LRP1B: variants seen among roughly 807,000 people sequenced by gnomAD.
The protein encoded by LRP1B is low-density lipoprotein receptor-related protein 1B.
LRP1B carries 217 observed loss-of-function variants against 556.6 expected under a neutral mutation model. That is an observed-to-expected ratio of 0.39 (90% CI 0.35 to 0.44). LRP1B has a LOEUF of 0.44. Ranked by LOEUF, LRP1B falls within the 20% of genes least tolerant of loss-of-function variation. LRP1B has a pLI of 1.00. For synonymous variants in LRP1B, 2,047 were observed against 1,865.8 expected, an observed-to-expected ratio of 1.10 and a Z score of -2.50; for missense variants, 5,053 against 5,620.8, an observed-to-expected ratio of 0.90 and a Z score of 3.23.
At chr2:142,012,289 G>A (rs73963413) in intron 1 of LRP1B, among the ~76,000 whole-genome samples, 2,454 of 152,144 alleles carry the variant, frequency 0.016, 69 homozygotes, top group African/African-American at 0.057. Context: ...CACATATCCA[G>A]ATGTCTGACT....
At chr2:141,638,352 G>T (rs1009291002) in intron 2 of LRP1B, among the ~76,000 whole-genome samples, 24 of 151,978 alleles carry the variant, frequency 1.6e-4, no homozygotes, top group African/African-American at 4.3e-4. Flanking sequence ...TGTATAGCCC[G>T]CAGAACTGTG....
intron 72 of LRP1B, among the ~76,000 whole-genome samples, chr2:140,361,341 C>CATATATATATATATATATATATATATAT (rs67208978): frequency 3.3e-5 from 1 of 30,714 alleles, no homozygotes; most frequent in Non-Finnish European, 6.5e-5. Flanking sequence ...ACTTGGAAAG[C>CATATATATATATATATATATATATATAT]ATATATATAT....
Position 140,394,993 on chromosome 2 carries a change from A to G in LRP1B, c.10415-8984T>C, listed in dbSNP as rs535835955. Among the ~76,000 whole-genome samples the G allele has an allele frequency of 4.6e-5, 7 of 152,352 alleles. No individual in the cohort carries two copies. The South Asian group carries it at 1.2e-3, about 27-fold the overall frequency. On this transcript the variant is annotated intron_variant, in intron 66 of 90. Coordinates refer to ENST00000389484, the MANE Select transcript of LRP1B (RefSeq NM_018557.3). ...AATGACTATACGTGAATACTTGGAT[A>G]CAAATTCTGCCCCACATCTACTCTA... is the stretch of plus-strand genomic sequence containing the variant.
rs1692989729 is a variant in LRP1B, at chr2:140,867,595, G to A, written c.4574C>T (p.Pro1525Leu). The A allele has an allele frequency of 6.2e-7, 1 of 1,612,184 alleles. No individual in the cohort carries two copies. Among genetic ancestry groups the A allele is most frequent in the Non-Finnish European group, 8.5e-7 (1 of 1,178,852 alleles). ...ATAAGTGAACAAGCACTTACCCTGT[G>A]GCTGGCGACTGGGATGGTATATCTG... ...DLQIYHPSRQ[P>L]QAPNPCAAND... Residue 1525 changes from proline (P) to leucine (L), a missense_variant, in exon 27 of 91, where the codon CCA (proline) becomes CTA (leucine). Around this residue, in one of 5 missense-constraint regions of LRP1B, gnomAD observed 3,619 missense variants for 3,931.9 expected, o/e 0.92. Coordinates refer to ENST00000389484, the MANE Select transcript of LRP1B (RefSeq NM_018557.3).
At chr2:140,744,236 T>C (rs572933907) in intron 35 of LRP1B, among the ~76,000 whole-genome samples, 2 of 152,094 alleles carry the variant, frequency 1.3e-5, no homozygotes. Flanking sequence ...GATATACATA[T>C]ACCATTGCAT....
chr2:141,188,677 A>C (rs1261352471), intron 6 of LRP1B, 94 bp from the exon 7 acceptor site: 1 of 1,081,546 alleles, frequency 9.2e-7, no homozygotes, highest in Non-Finnish European at 1.3e-6. Flanking sequence ...ATCATAGAGG[A>C]CATTTCAAAA....
intron 3 of LRP1B, among the ~76,000 whole-genome samples, chr2:141,276,279 G>T (rs976324917): frequency 1.3e-5 from 2 of 149,294 alleles, no homozygotes; most frequent in East Asian, 3.9e-4. Flanking sequence ...TTATTCTTTG[G>T]CTTGATAATT....
chr2:141,809,142 C>A (rs958584592), intron 2 of LRP1B, among the ~76,000 whole-genome samples: 2 of 152,004 alleles, frequency 1.3e-5, no homozygotes, highest in African/African-American at 4.8e-5. Flanking sequence ...ATAAACTCTT[C>A]CTGTGGAAAA....
intron 6 of LRP1B, among the ~76,000 whole-genome samples, chr2:141,225,444 TCAC>T (rs955014425): frequency 9.8e-5 from 15 of 152,286 alleles, no homozygotes; most frequent in East Asian, 5.8e-4. Context: ...CAGATGGAAT[TCAC>T]CACTTTTGTA....
intron 41 of LRP1B, among the ~76,000 whole-genome samples, chr2:140,622,774 T>C (rs976142966): frequency 6.6e-6 from 1 of 152,178 alleles, no homozygotes; most frequent in African/African-American, 2.4e-5. Flanking sequence ...GCTCTGAAAC[T>C]AGAGTGAAGT....
At chr2:141,188,757 T>C (rs990262543) in intron 6 of LRP1B, among the ~76,000 whole-genome samples, 174 bp from the exon 7 acceptor site, 2 of 152,008 alleles carry the variant, frequency 1.3e-5, no homozygotes, top group African/African-American at 4.8e-5. Flanking sequence ...AATAATTATG[T>C]AAAATAATTA....
intron 3 of LRP1B, among the ~76,000 whole-genome samples, chr2:141,406,260 G>T (rs1371841621): frequency 6.6e-6 from 1 of 151,880 alleles, no homozygotes; most frequent in Non-Finnish European, 1.5e-5. Flanking sequence ...TTATAATTTG[G>T]CAGTATGTGA....
In LRP1B at chr2:141,648,054, C is replaced by T. The variant is rs376184598; in HGVS notation, c.205+162225G>A. On this transcript the variant is annotated intron_variant, in intron 2 of 90. Transcript: ENST00000389484. ...GTGAGACTTCTTATGTTGTCTCTCA[C>T]TTGGAAGATGTTATGGTGAGACGAA... 4.6e-5 allele frequency among the ~76,000 whole-genome samples: 7 copies of T among 151,798 alleles called. No individual in the cohort carries two copies. The East Asian group carries it at 9.7e-4, about 21-fold the overall frequency.
chr2:141,945,725 T>C (rs896297661), intron 1 of LRP1B, among the ~76,000 whole-genome samples: 1 of 151,946 alleles, frequency 6.6e-6, no homozygotes, highest in African/African-American at 2.4e-5. Context: ...ATTCCCTGCC[T>C]CCCCCATTCC....
At chr2:141,197,600 G>C (rs1681810156) in intron 6 of LRP1B, among the ~76,000 whole-genome samples, 1 of 152,016 alleles carries the variant, frequency 6.6e-6, no homozygotes, top group African/African-American at 2.4e-5. Context: ...TTTCAAGCAG[G>C]GCAAGGAGAT....
At chr2:140,872,801 C>G (rs1051204020) in intron 25 of LRP1B, among the ~76,000 whole-genome samples, 2 of 151,600 alleles carry the variant, frequency 1.3e-5, no homozygotes, top group African/African-American at 4.9e-5. Context: ...TAGCTGACAA[C>G]TGCCTAGGGT....
chr2:140,547,972 AAG>A (rs1680408079), intron 43 of LRP1B, among the ~76,000 whole-genome samples: 1 of 152,026 alleles, frequency 6.6e-6, no homozygotes, highest in Non-Finnish European at 1.5e-5. Flanking sequence ...AAAAAAAAAA[AAG>A]AAACTTTTAC....
In LRP1B at chr2:140,903,002, A is replaced by C. The variant is rs535012511; in HGVS notation, c.3684T>G (p.Cys1228Trp). Residue 1228 changes from cysteine to tryptophan, a missense_variant, in exon 23 of 91, where the codon TGT becomes TGG. Cys to Trp is a radical substitution (Grantham distance 215). This residue lies in a region of LRP1B where 3,619 missense variants were observed against 3,931.9 expected (regional missense o/e 0.92). Coordinates refer to ENST00000389484, the MANE Select transcript of LRP1B (RefSeq NM_018557.3). ...ACTTGACTGTGTGCTTGTGCTGCTC[A>C]CATACTTGGCTGCACTTTAGATGAT... ...CSNHLKCSQV[C>W]EQHKHTVKCS... 1 of 1,613,760 alleles carries C rather than the reference A, an allele frequency of 6.2e-7. No homozygotes were observed. The highest frequency in any genetic ancestry group is 8.5e-7 in the Non-Finnish European group (1 of 1,179,764).
At chr2:142,127,335 G>T (rs1049128516) in intron 1 of LRP1B, among the ~76,000 whole-genome samples, 2 of 151,480 alleles carry the variant, frequency 1.3e-5, no homozygotes, top group Non-Finnish European at 1.5e-5. Flanking sequence ...ACCTATTCAA[G>T]AAATACTGAT....
Sources: allele counts gnomAD v4.1 joint callset (sites outside exome capture counted in the v4.1 genomes callset), GRCh38; gene constraint gnomAD v4.1.1; regional missense constraint gnomAD v4.1.1; transcripts MANE v1.5; gene names NCBI Gene and HGNC (gene_info 2026-07-23, HGNC 2026-07-21).